The following OR2C1 variants were observed in gnomAD, a reference collection of about 807,000 sequenced individuals.
OR2C1 encodes olfactory receptor 2C1.
For synonymous variants in OR2C1, 209 were observed against 167.3 expected (o/e 1.25, Z -1.92); for missense variants, 468 against 388.3 (o/e 1.21, Z -1.73).
chr16:3,345,602 T>G, the OR2C1 span, among the ~76,000 whole-genome samples: 3 of 152,268 alleles, frequency 2.0e-5, no homozygotes, highest in East Asian at 5.8e-4. Context: ...TGCACATATA[T>G]GTATCATTCA....
chr16:3,334,230 C>T, the OR2C1 span, among the ~76,000 whole-genome samples: 7 of 151,458 alleles, frequency 4.6e-5, no homozygotes, highest in South Asian at 4.2e-4. Context: ...TTCCGCCTCC[C>T]GGGTTCCAGT....
chr16:3,322,999 G>A, the OR2C1 span: 2 of 875,808 alleles, frequency 2.3e-6, no homozygotes, highest in Non-Finnish European at 1.4e-6. Flanking sequence ...CCTTGGAACT[G>A]GACTGTGATG....
At chr16:3,349,642 GA>G in the OR2C1 span, among the ~76,000 whole-genome samples, 10 of 152,110 alleles carry the variant, frequency 6.6e-5, no homozygotes, top group African/African-American at 2.2e-4. Flanking sequence ...CAGGATATAA[GA>G]GAGAGAGGCG....
upstream of OR2C1, among the ~76,000 whole-genome samples, chr16:3,354,822 T>C (rs1320950844): frequency 6.6e-6 from 1 of 152,128 alleles, no homozygotes; most frequent in African/African-American, 2.4e-5. Context: ...CACTCAGGCA[T>C]TGGAGTACAG....
chr16:3,347,183 G>T, the OR2C1 span, among the ~76,000 whole-genome samples: 2 of 147,374 alleles, frequency 1.4e-5, no homozygotes, highest in African/African-American at 5.0e-5. Context: ...GGAGGCAGAG[G>T]TTGCAGTGAG....
chr16:3,357,491 C>T (rs935384601), downstream of OR2C1, among the ~76,000 whole-genome samples: 4 of 152,132 alleles, frequency 2.6e-5, no homozygotes, highest in African/African-American at 9.7e-5. Flanking sequence ...CTTCAGTCTT[C>T]TGAGTAGCTG....
At chr16:3,334,163 G>A in the OR2C1 span, among the ~76,000 whole-genome samples, 1 of 149,552 alleles carries the variant, frequency 6.7e-6, no homozygotes, top group African/African-American at 2.5e-5. Flanking sequence ...TTTTCAGATG[G>A]AGTATCACTC....
the OR2C1 span, among the ~76,000 whole-genome samples, chr16:3,325,460 A>AAAATAT: frequency 4.3e-5 from 4 of 93,164 alleles, no homozygotes; most frequent in Non-Finnish European, 6.1e-5. Flanking sequence ...TATGTCTAAA[A>AAAATAT]ATATATATAT....
the OR2C1 span, among the ~76,000 whole-genome samples, chr16:3,327,289 A>G: frequency 4.4e-3 from 668 of 152,192 alleles, 1 homozygote; most frequent in African/African-American, 0.015. Context: ...GGAGTATTTT[A>G]AAGTAAATCT....
the OR2C1 span, among the ~76,000 whole-genome samples, chr16:3,350,508 T>C: frequency 6.6e-6 from 1 of 150,758 alleles, no homozygotes; most frequent in Non-Finnish European, 1.5e-5. Context: ...ACCTTCCGGG[T>C]TCACGCCATT....
chr16:3,324,144 A>T, the OR2C1 span, among the ~76,000 whole-genome samples: 15 of 152,368 alleles, frequency 9.8e-5, no homozygotes, highest in East Asian at 1.9e-4. Flanking sequence ...AATATTTAGT[A>T]GCATAGGGAA....
chr16:3,345,711 C>A, the OR2C1 span, among the ~76,000 whole-genome samples: 2 of 150,962 alleles, frequency 1.3e-5, no homozygotes, highest in African/African-American at 4.9e-5. Context: ...CCCTTTCCTT[C>A]CTTCCCTCCC....
chr16:3,332,445 C>T, the OR2C1 span, among the ~76,000 whole-genome samples: 1 of 151,822 alleles, frequency 6.6e-6, no homozygotes, highest in Non-Finnish European at 1.5e-5. Flanking sequence ...ACCTATTGAA[C>T]ACTAGTTCTT....
At chr16:3,329,046 G>A in the OR2C1 span, among the ~76,000 whole-genome samples, 2 of 151,614 alleles carry the variant, frequency 1.3e-5, no homozygotes, top group Non-Finnish European at 2.9e-5. Flanking sequence ...CCAGGCAGGA[G>A]TACAATGGCA....
At chr16:3,327,935 T>C in the OR2C1 span, among the ~76,000 whole-genome samples, 1 of 152,166 alleles carries the variant, frequency 6.6e-6, no homozygotes, top group African/African-American at 2.4e-5. Flanking sequence ...TAAACCTGCT[T>C]GATTTTATTT....
the OR2C1 span, among the ~76,000 whole-genome samples, chr16:3,329,869 C>T: frequency 6.7e-6 from 1 of 149,868 alleles, no homozygotes; most frequent in Non-Finnish European, 1.5e-5. Context: ...ATTCCCCTGC[C>T]TCAGCCTCCT....
chr16:3,348,263 G>C, the OR2C1 span, among the ~76,000 whole-genome samples: 1 of 152,194 alleles, frequency 6.6e-6, no homozygotes, highest in African/African-American at 2.4e-5. Flanking sequence ...GTATTTAAGA[G>C]AGGACTTGCA....
chr16:3,347,872 ACG>A, the OR2C1 span, among the ~76,000 whole-genome samples: 4 of 6,410 alleles, frequency 6.2e-4, no homozygotes, highest in Non-Finnish European at 1.5e-3. Flanking sequence ...GCACACACAC[ACG>A]CACATGCACA....
At chr16:3,349,697 G>C in the OR2C1 span, among the ~76,000 whole-genome samples, 1 of 152,074 alleles carries the variant, frequency 6.6e-6, no homozygotes, top group African/African-American at 2.4e-5. Context: ...AGCAGAGACA[G>C]AGAAGGAGAG....
Sources: gnomAD v4.1 joint callset for allele counts (sites outside exome capture counted in the v4.1 genomes callset) on GRCh38, gnomAD v4.1.1 for gene constraint, MANE v1.5 for transcripts, NCBI Gene and HGNC (gene_info 2026-07-23, HGNC 2026-07-21) for gene names.